FAT2: variants seen among roughly 807,000 people sequenced by gnomAD.
FAT2 encodes FAT atypical cadherin 2.
Under a neutral mutation model 295.3 loss-of-function variants are expected in FAT2, and 150 were observed. The ratio of observed to expected loss-of-function variants is 0.51; its 90% CI spans 0.44 to 0.58. The LOEUF (loss-of-function observed/expected upper bound fraction) is 0.58. FAT2 is among the 20% of genes least tolerant of loss of function. The pLI is 0.00. For synonymous variants in FAT2, 2,026 were observed against 2,150.3 expected (o/e 0.94, Z 1.60); for missense variants, 4,868 against 5,442.7 (o/e 0.89, Z 3.32).
rs1312807844 is a variant in FAT2 at position 151,544,272 on chromosome 5, C to T, written c.6855G>A (p.Leu2285=). Residue 2285 remains leucine (L), a synonymous_variant, in exon 10 of 24, where the codon TTG becomes TTA. Transcript: ENST00000261800. The stretch of plus-strand genomic sequence containing the variant: ...GTTGGATCACAGGGGTCTGAGCAGG[C>T]AAGCCTTCTGAGATGGAAGTGGTAT... ...LVYTTSISEG[L]PAQTPVIQLL... The T allele has an allele frequency of 1.2e-6, 2 of 1,614,030 alleles. No individual in the cohort carries two copies. Among genetic ancestry groups the T allele is most frequent in the Admixed American group, 1.7e-5 (1 of 60,000 alleles).
At chr5:151,559,189 T>A (rs1227166892) in intron 3 of FAT2, among the ~76,000 whole-genome samples, 1 of 152,168 alleles carries the variant, frequency 6.6e-6, no homozygotes, top group African/African-American at 2.4e-5. Context: ...GGTGTGAGGA[T>A]GTGGGCTCTG....
At chr5:151,563,705 T>TTA in intron 2 of FAT2, 66 bp from the exon 3 acceptor site, 1 of 1,376,878 alleles carries the variant, frequency 7.3e-7, no homozygotes, top group South Asian at 1.2e-5. Context: ...AAATCACCCT[T>TTA]ACCCACCATT....
intron 13 of FAT2, among the ~76,000 whole-genome samples, chr5:151,532,666 T>C (rs1276670780): frequency 1.3e-5 from 2 of 152,068 alleles, no homozygotes; most frequent in Non-Finnish European, 2.9e-5. Flanking sequence ...TCTTAGTAAA[T>C]CAAAACACAC....
At chr5:151,562,562 G>A (rs1758063886) in intron 3 of FAT2, among the ~76,000 whole-genome samples, 2 of 152,168 alleles carry the variant, frequency 1.3e-5, no homozygotes. Flanking sequence ...TACAAAGGGA[G>A]CAGCTGTTGG....
chr5:151,507,425 C>A lies in FAT2; in HGVS notation c.12246G>T (p.Glu4082Asp). Residue 4082 changes from glutamate to aspartate, a missense_variant, in exon 23 of 24, where the codon GAG (glutamate) becomes GAT (aspartate). By Grantham distance (45) the Glu-to-Asp change is conservative. This residue lies in a region of FAT2 where 492 missense variants were observed against 482.6 expected (regional missense o/e 1.02). Coordinates refer to ENST00000261800, the MANE Select transcript of FAT2 (RefSeq NM_001447.3). ...RCKSHKPVAM[E>D]DPDLLARSVG... ...CACTCCTGGCCAGGAGGTCTGGGTC[C>A]TCCATGGCCACAGGCTTGTGAGACT... 1.2e-6 allele frequency: 2 copies of A among 1,614,154 alleles called. No homozygotes were observed. The highest frequency in any genetic ancestry group is 1.7e-6 in the Non-Finnish European group (2 of 1,180,022).
chr5:151,588,140 T>G (rs982781908), intron 1 of FAT2, among the ~76,000 whole-genome samples: 16 of 152,028 alleles, frequency 1.1e-4, no homozygotes, highest in Non-Finnish European at 2.9e-5. Context: ...TGTGTGTGGG[T>G]GTATGTGTGT....
At chr5:151,589,808 G>A (rs1411287681) in intron 1 of FAT2, among the ~76,000 whole-genome samples, 1 of 152,184 alleles carries the variant, frequency 6.6e-6, no homozygotes, top group East Asian at 1.9e-4. Context: ...GGCTGATGTG[G>A]GAGGATTGCT....
At chr5:151,515,776 C>G (rs563550019) in intron 20 of FAT2, among the ~76,000 whole-genome samples, 2 of 152,196 alleles carry the variant, frequency 1.3e-5, no homozygotes, top group South Asian at 4.1e-4. Context: ...CAGTGGCCTC[C>G]TGACTGGGTC....
intron 1 of FAT2, among the ~76,000 whole-genome samples, chr5:151,581,758 C>G (rs1216512454): frequency 1.3e-5 from 2 of 152,228 alleles, no homozygotes; most frequent in African/African-American, 2.4e-5. Context: ...GTGTGTCCAA[C>G]AGTCCCCCTG....
In FAT2 at chr5:151,505,990, G is replaced by C; in HGVS notation, c.12625C>G (p.Arg4209Gly). 6.4e-7 allele frequency: 1 copy of C among 1,572,740 alleles called. No homozygotes were observed. Among genetic ancestry groups the C allele is most frequent in the Admixed American group, 1.9e-5 (1 of 51,322 alleles). The change falls in exon 24 of 24, where the codon CGC becomes GGC. Residue 4209 changes from arginine (R) to glycine (G), a missense_variant. Around this residue, in one of 5 missense-constraint regions of FAT2, gnomAD observed 492 missense variants for 482.6 expected, o/e 1.02. Transcript: ENST00000261800. ...GGCATCACGACTGGGGTTGAGTGGC[G>C]GTGAGCCGAGGGCGGCAGAGGGCCC... ...TQGPLPPSAH[R>G]HSTPVVMPEP...
At chr5:151,537,205 A>G (rs1402866149) in intron 12 of FAT2, among the ~76,000 whole-genome samples, 1 of 142,610 alleles carries the variant, frequency 7.0e-6, no homozygotes, top group African/African-American at 2.4e-5. Flanking sequence ...GAGAGAAAGA[A>G]GAAGAGGAAG....
intron 3 of FAT2, among the ~76,000 whole-genome samples, chr5:151,559,432 G>A (rs1380149154): frequency 6.6e-6 from 1 of 152,082 alleles, no homozygotes; most frequent in African/African-American, 2.4e-5. Context: ...CATGGGGAAG[G>A]GCCTAGGGCC....
chr5:151,565,700 C>T lies in FAT2; in HGVS notation c.3232G>A (p.Ala1078Thr), dbSNP rs142737825. 6.5e-5 allele frequency: 90 copies of T among 1,377,438 alleles called. 1 individual carries two copies. Among genetic ancestry groups the T allele is most frequent in the African/African-American group, 4.6e-4 (31 of 66,996 alleles). The allele number at this position is 1,377,438 out of a possible 1,614,324, so 85.3% of individuals were successfully genotyped here. ...QYFLRAGTGL[A>T]AFSINQDTGM... ...GTATCTTGGTTGATGCTGAAGGCTG[C>T]GAGTCCAGTGCCAGCACGCAGGAAG... Residue 1078 changes from alanine to threonine, a missense_variant, in exon 2 of 24, where the codon GCA (alanine) becomes ACA (threonine). By Grantham distance (58) the Ala-to-Thr change is moderately conservative. Coordinates refer to ENST00000261800, the MANE Select transcript of FAT2 (RefSeq NM_001447.3).
At chr5:151,539,971 A>G (rs184360327) in intron 11 of FAT2, among the ~76,000 whole-genome samples, 2 of 152,210 alleles carry the variant, frequency 1.3e-5, no homozygotes, top group Non-Finnish European at 2.9e-5. Context: ...AGATGTGAGG[A>G]GGTGCATATA....
chr5:151,556,563 T>A (rs1181308176), intron 3 of FAT2, among the ~76,000 whole-genome samples, 161 bp from the exon 4 acceptor site: 2 of 152,174 alleles, frequency 1.3e-5, no homozygotes, highest in Non-Finnish European at 2.9e-5. Flanking sequence ...CAACTTAAAT[T>A]TCCTACTTTA....
At chr5:151,527,421 C>T (rs1754129131) in intron 16 of FAT2, 44 bp from the exon 17 acceptor site, 1 of 1,529,788 alleles carries the variant, frequency 6.5e-7, no homozygotes, top group South Asian at 1.3e-5. Context: ...AGGTAGCTGT[C>T]CCTCACTTCT....
At chr5:151,549,029 A>T (rs1483134031) in intron 9 of FAT2, among the ~76,000 whole-genome samples, 1 of 152,142 alleles carries the variant, frequency 6.6e-6, no homozygotes, top group Admixed American at 6.5e-5. Context: ...TATCTTCTAC[A>T]TGTTTGGTCA....
intron 18 of FAT2, among the ~76,000 whole-genome samples, chr5:151,524,172 C>T (rs1388435559): frequency 1.3e-5 from 2 of 152,158 alleles, no homozygotes; most frequent in Non-Finnish European, 2.9e-5. Context: ...CTGAAACCCT[C>T]CAACCACCTC....
intron 3 of FAT2, among the ~76,000 whole-genome samples, chr5:151,562,778 CA>C (rs1758072820): frequency 6.6e-6 from 1 of 152,234 alleles, no homozygotes; most frequent in South Asian, 2.1e-4. Flanking sequence ...TGCCAGCTGC[CA>C]ACATCTGGAT....
Sources: allele counts gnomAD v4.1 joint callset (sites outside exome capture counted in the v4.1 genomes callset), GRCh38; gene constraint gnomAD v4.1.1; regional missense constraint gnomAD v4.1.1; transcripts MANE v1.5; gene names NCBI Gene and HGNC (gene_info 2026-07-23, HGNC 2026-07-21).